LRP2: variants seen among roughly 807,000 people sequenced by gnomAD.
The protein encoded by LRP2 is LDL receptor related protein 2.
A neutral mutation model predicts 531.0 loss-of-function variants in LRP2; 172 were observed. The ratio of observed to expected loss-of-function variants is 0.32; its 90% confidence interval spans 0.29 to 0.37. The LOEUF is 0.37. Ranked by LOEUF, LRP2 falls within the 10% of genes least tolerant of loss-of-function variation. The probability of loss-of-function intolerance (pLI) is 1.00; values close to 1 mark genes in which losing one functional copy is unlikely to be tolerated. For synonymous variants in LRP2, 1,992 were observed against 2,027.6 expected (o/e 0.98, Z 0.47); for missense variants, 5,167 against 5,868.3 (o/e 0.88, Z 3.90).
chr2:169,326,806 G>C (rs895688655), intron 1 of LRP2, among the ~76,000 whole-genome samples: 1 of 151,454 alleles, frequency 6.6e-6, no homozygotes, highest in Non-Finnish European at 1.5e-5. Context: ...CATCTGGGAA[G>C]TGAGGAGCGT....
chr2:169,279,872 A>AT (rs753415239), intron 11 of LRP2, among the ~76,000 whole-genome samples: 16 of 152,208 alleles, frequency 1.1e-4, no homozygotes, highest in Non-Finnish European at 2.2e-4. Context: ...AATTAAACCC[A>AT]TCACACTTTC....
chr2:169,164,318 A>G (rs941716169), intron 62 of LRP2, among the ~76,000 whole-genome samples: 4 of 152,240 alleles, frequency 2.6e-5, no homozygotes, highest in Non-Finnish European at 5.9e-5. Flanking sequence ...GCTACTGCCC[A>G]TTACCCAGAG....
chr2:169,185,506 G>C lies in LRP2; in HGVS notation c.9842C>G (p.Ser3281Cys). Reference protein sequence around the residue: ...AAESLAVDWVSRKLYWLDARL... With the variant: ...AAESLAVDWVCRKLYWLDARL... Reference sequence around the variant, plus strand: ...AAGCTCATCAGTGTTTTCTTACCTGGAAACCCAGTCTACAGCCAGACTTTC... The same window carrying C: ...AAGCTCATCAGTGTTTTCTTACCTGCAAACCCAGTCTACAGCCAGACTTTC... Residue 3281 changes from serine (S) to cysteine (C), a missense_variant, in exon 50 of 79, where the codon TCC (serine) becomes TGC (cysteine). Ser to Cys is a moderately radical substitution (Grantham distance 112). Transcript: ENST00000649046. The C allele has an allele frequency of 6.2e-7, 1 of 1,613,110 alleles. No individual in the cohort carries two copies. The highest frequency in any genetic ancestry group is 8.5e-7 in the Non-Finnish European group (1 of 1,179,970).
At chr2:169,214,608 G>A (rs1184887388) in intron 35 of LRP2, among the ~76,000 whole-genome samples, 1 of 152,202 alleles carries the variant, frequency 6.6e-6, no homozygotes, top group Non-Finnish European at 1.5e-5. Flanking sequence ...TGGTTATGCT[G>A]ATGAAACTGA....
chr2:169,216,524 G>A, intron 34 of LRP2, 94 bp from the exon 35 acceptor site: 2 of 1,225,714 alleles, frequency 1.6e-6, no homozygotes, highest in Non-Finnish European at 1.2e-6. Context: ...TCCTCAAGAT[G>A]CTCACAATAC....
chr2:169,145,743 T>C lies in LRP2; in HGVS notation c.12988+4A>G. The stretch of plus-strand genomic sequence containing the variant: ...GAGCATCTTATACCAAAGTTGGTGA[T>C]TACCTGACTTATTGTATCTGAGTTG... On this transcript the variant is annotated splice_donor_region_variant and intron_variant, in intron 70 of 78. Transcript: ENST00000649046. The C allele has an allele frequency of 6.2e-7, 1 of 1,614,004 alleles. No homozygotes were observed. The highest frequency in any genetic ancestry group is 2.2e-5 in the East Asian group (1 of 44,868).
At chr2:169,168,875 A>G (rs1445615271) in intron 60 of LRP2, among the ~76,000 whole-genome samples, 199 bp from the exon 61 acceptor site, 1 of 152,170 alleles carries the variant, frequency 6.6e-6, no homozygotes, top group Non-Finnish European at 1.5e-5. Context: ...TCAGTTTCCA[A>G]TGGCATGAAT....
intron 1 of LRP2, among the ~76,000 whole-genome samples, chr2:169,335,747 A>G (rs1685386221): frequency 6.6e-6 from 1 of 152,100 alleles, no homozygotes. Context: ...GGTGTGGTGG[A>G]TTACTCCCGT....
rs185881880 is a variant in LRP2 at position 169,360,721 on chromosome 2, T to C, written c.79+1600A>G. On this transcript the variant is annotated intron_variant, in intron 1 of 78. Coordinates refer to ENST00000649046, the MANE Select transcript of LRP2 (RefSeq NM_004525.3). Reference sequence around the variant, plus strand: ...GCGTTACCAACACTGAGAAAGGGTGTTCAAAGGAAGGTTATTAATGATCTC... The same window carrying C: ...GCGTTACCAACACTGAGAAAGGGTGCTCAAAGGAAGGTTATTAATGATCTC... Among the ~76,000 whole-genome samples, 51 of 152,262 alleles carry C rather than the reference T, an allele frequency of 3.3e-4. No individual in the cohort carries two copies. The Middle Eastern group carries it at 0.014, about 41-fold the overall frequency.
chr2:169,357,918 G>T (rs1054862930), intron 1 of LRP2, among the ~76,000 whole-genome samples: 2 of 152,094 alleles, frequency 1.3e-5, no homozygotes, highest in Admixed American at 6.6e-5. Context: ...AAAACCCAAA[G>T]ATCTTCAGGA....
At chr2:169,334,536 T>C (rs1289621507) in intron 1 of LRP2, among the ~76,000 whole-genome samples, 1 of 152,064 alleles carries the variant, frequency 6.6e-6, no homozygotes, top group Admixed American at 6.6e-5. Context: ...TAAGTAAAAT[T>C]TAAATTAAAT....
intron 48 of LRP2, among the ~76,000 whole-genome samples, chr2:169,190,968 C>A (rs148201431): frequency 6.6e-6 from 1 of 152,246 alleles, no homozygotes; most frequent in East Asian, 1.9e-4. Flanking sequence ...TGAAGAGGCC[C>A]ATTTGGAGAA....
chr2:169,336,285 C>G (rs1371264533), intron 1 of LRP2, among the ~76,000 whole-genome samples: 1 of 152,108 alleles, frequency 6.6e-6, no homozygotes, highest in Non-Finnish European at 1.5e-5. Context: ...TGCCTGTAAT[C>G]CCAGCACTTT....
intron 60 of LRP2, 55 bp from the exon 61 acceptor site, chr2:169,168,731 G>A (rs1686882567): frequency 3.1e-6 from 5 of 1,592,988 alleles, no homozygotes; most frequent in Non-Finnish European, 4.3e-6. Flanking sequence ...ACTACTTTGG[G>A]GAAGCTTCCT....
At chr2:169,181,695 T>C in intron 51 of LRP2, 77 bp from the exon 52 acceptor site, 2 of 1,310,178 alleles carry the variant, frequency 1.5e-6, no homozygotes, top group Non-Finnish European at 1.1e-6. Context: ...TTTTCTCCAT[T>C]TAGAGAAATG....
chr2:169,254,760 G>T (rs1690236550), intron 19 of LRP2, among the ~76,000 whole-genome samples: 1 of 150,574 alleles, frequency 6.6e-6, no homozygotes, highest in South Asian at 2.1e-4. Context: ...GAAACCAAAA[G>T]ATACTAAAAC....
rs73030803 is a variant in LRP2, at chr2:169,132,505, T to G, written c.13728+69A>C. On this transcript the variant is annotated intron_variant, in intron 77 of 78. Transcript: ENST00000649046. ...CAGAATCTCCCTTGTTTGCTTAAGG[T>G]TAATAAAAACCCAGTCATCCCAAAG... 0.035 allele frequency: 29,605 copies of G among 855,594 alleles called. 859 individuals are homozygous for G. Among genetic ancestry groups the G allele is most frequent in the African/African-American group, 0.12 (7,438 of 60,368 alleles). The allele number at this position is 855,594 out of a possible 1,614,324, so 53.0% of individuals were successfully genotyped here. A position where few individuals can be genotyped will look rare whatever the true frequency, so the allele number is the denominator to read the frequency against.
At chr2:169,292,183 G>C in intron 7 of LRP2, 70 bp downstream of exon 7, 1 of 1,187,734 alleles carries the variant, frequency 8.4e-7, no homozygotes, top group Non-Finnish European at 1.3e-6. Context: ...AAAAAGGAAA[G>C]GAGAAAAAAC....
rs1491389378 is a variant in LRP2, at chr2:169,254,644, A to AAT, written c.2770+1461_2770+1462insAT. 9.8e-4 allele frequency among the ~76,000 whole-genome samples: 18 copies of AAT among 18,312 alleles called. 2 individuals are homozygous for AAT. The East Asian group carries it at 0.022, about 22-fold the overall frequency. The allele number at this position is 18,312 out of a possible 152,430, so 12.0% of individuals were successfully genotyped here. Reference sequence around the variant, plus strand: ...TGTACCCTAAAACTTAGAGTATAATAAAAAAAAAAAAAAACAGCAATGTTG... The same window carrying AAT: ...TGTACCCTAAAACTTAGAGTATAATAATAAAAAAAAAAAAAACAGCAATGTTG... On this transcript the variant is annotated intron_variant, in intron 19 of 78. Transcript: ENST00000649046.
Sources: gnomAD v4.1 joint callset for allele counts (sites outside exome capture counted in the v4.1 genomes callset) on GRCh38, gnomAD v4.1.1 for gene constraint, MANE v1.5 for transcripts, NCBI Gene and HGNC (gene_info 2026-07-23, HGNC 2026-07-21) for gene names.